The following NAALADL2 variants were observed in gnomAD, a reference collection of about 807,000 sequenced individuals.
NAALADL2 encodes N-acetylated alpha-linked acidic dipeptidase like 2, also known as inactive N-acetylated-alpha-linked acidic dipeptidase-like protein 2.
A neutral mutation model predicts 87.2 loss-of-function variants in NAALADL2; 76 were observed. The ratio of observed to expected loss-of-function variants is 0.87; its 90% CI spans 0.72 to 1.05. NAALADL2 has a LOEUF of 1.05. Ranked by LOEUF, NAALADL2 falls within the 50% of genes least tolerant of loss-of-function variation. The pLI is 0.00. For synonymous variants in NAALADL2, 354 were observed against 331.0 expected (o/e 1.07, Z -0.75); for missense variants, 1,089 against 945.8 (o/e 1.15, Z -1.99).
intron 2 of NAALADL2, among the ~76,000 whole-genome samples, chr3:174,630,989 A>G (rs1036003187): frequency 6.6e-6 from 1 of 152,146 alleles, no homozygotes; most frequent in Non-Finnish European, 1.5e-5. Flanking sequence ...ACACCACTCC[A>G]GAAGAGCCTG....
chr3:175,479,409 C>T (rs1381202864), intron 9 of NAALADL2, among the ~76,000 whole-genome samples: 1 of 151,768 alleles, frequency 6.6e-6, no homozygotes, highest in East Asian at 1.9e-4. Context: ...AGATCCAAAG[C>T]TAAATAGAAC....
chr3:175,734,340 G>A (rs1389848753), intron 11 of NAALADL2, among the ~76,000 whole-genome samples: 4 of 152,066 alleles, frequency 2.6e-5, no homozygotes, highest in South Asian at 4.2e-4. Flanking sequence ...GGATCATGAG[G>A]TCAGGAGATC....
intron 3 of NAALADL2, among the ~76,000 whole-genome samples, chr3:175,255,219 T>TA (rs778862477): frequency 3.0e-4 from 45 of 152,330 alleles, no homozygotes; most frequent in Non-Finnish European, 5.3e-4. Flanking sequence ...TTTTTACAGA[T>TA]ACAGATGAAT....
chr3:175,434,815 T>C (rs566989541), intron 5 of NAALADL2, among the ~76,000 whole-genome samples: 19 of 152,148 alleles, frequency 1.2e-4, no homozygotes, highest in African/African-American at 4.6e-4. Flanking sequence ...TTATATTACA[T>C]GTAATGTGCA....
intron 9 of NAALADL2, among the ~76,000 whole-genome samples, chr3:175,574,637 A>C (rs1445504768): frequency 6.6e-6 from 1 of 152,078 alleles, no homozygotes. Context: ...CCAAGAATGG[A>C]AAAAGCTTTT....
intron 1 of NAALADL2, among the ~76,000 whole-genome samples, chr3:174,894,829 C>G (rs764303975): frequency 6.6e-6 from 1 of 151,814 alleles, no homozygotes; most frequent in Non-Finnish European, 1.5e-5. Flanking sequence ...GAAATAATAT[C>G]AAACATCTTC....
At chr3:175,722,589 G>A (rs1413092596) in intron 11 of NAALADL2, among the ~76,000 whole-genome samples, 1 of 152,116 alleles carries the variant, frequency 6.6e-6, no homozygotes, top group Non-Finnish European at 1.5e-5. Flanking sequence ...ACTAAACATA[G>A]CCTCTTTTGG....
chr3:175,239,396 A>G (rs1394405427), intron 3 of NAALADL2, among the ~76,000 whole-genome samples: 1 of 152,218 alleles, frequency 6.6e-6, no homozygotes, highest in Non-Finnish European at 1.5e-5. Context: ...AATTTTATTA[A>G]TAGAACATAT....
intron 10 of NAALADL2, among the ~76,000 whole-genome samples, chr3:175,600,568 C>T (rs1248499508): frequency 1.9e-5 from 2 of 103,848 alleles, no homozygotes; most frequent in Non-Finnish European, 3.5e-5. Flanking sequence ...GACGGAGTCT[C>T]GCTCTGTCGC....
chr3:175,580,158 T>C (rs2149571279), intron 10 of NAALADL2, among the ~76,000 whole-genome samples: 1 of 152,256 alleles, frequency 6.6e-6, no homozygotes, highest in African/African-American at 2.4e-5. Context: ...TTTGAAACTC[T>C]TACTAAATTT....
intron 2 of NAALADL2, among the ~76,000 whole-genome samples, chr3:175,161,994 T>G (rs1014041945): frequency 2.6e-5 from 4 of 152,206 alleles, no homozygotes; most frequent in Non-Finnish European, 5.9e-5. Context: ...GAAACCTGTC[T>G]TCTGTTTTAT....
At chr3:174,953,373 T>A (rs1740697649) in intron 1 of NAALADL2, among the ~76,000 whole-genome samples, 1 of 122,768 alleles carries the variant, frequency 8.1e-6, no homozygotes, top group Admixed American at 1.0e-4. Flanking sequence ...TTCCAGTAAA[T>A]CATTATTAAA....
intron 1 of NAALADL2, among the ~76,000 whole-genome samples, chr3:174,488,130 T>C (rs1717970444): frequency 6.6e-6 from 1 of 151,990 alleles, no homozygotes; most frequent in Non-Finnish European, 1.5e-5. Context: ...ATTAGAAATA[T>C]TATCATTCTC....
intron 1 of NAALADL2, among the ~76,000 whole-genome samples, chr3:174,518,316 G>C (rs1720056455): frequency 6.6e-6 from 1 of 152,108 alleles, no homozygotes. Flanking sequence ...TTAACGATTT[G>C]TCTTTAATAC....
At chr3:175,421,819 G>A (rs926513089) in intron 5 of NAALADL2, among the ~76,000 whole-genome samples, 5 of 152,046 alleles carry the variant, frequency 3.3e-5, no homozygotes, top group Admixed American at 6.6e-5. Flanking sequence ...GCATTATTTA[G>A]GAGGCCTTTG....
intron 10 of NAALADL2, 84 bp from the exon 11 acceptor site, chr3:175,627,207 T>A: frequency 8.8e-7 from 1 of 1,135,924 alleles, no homozygotes; most frequent in Admixed American, 2.4e-5. Flanking sequence ...AGAGTCCTTT[T>A]TAATCTTTAA....
chr3:174,508,114 G>GTTTTTTTTTTTTTTTTTTTTTTTTTTTT (rs1311325384), intron 1 of NAALADL2, among the ~76,000 whole-genome samples: 1 of 103,884 alleles, frequency 9.6e-6, no homozygotes, highest in African/African-American at 3.6e-5. Context: ...ATATCTAGTG[G>GTTTTTTTTTTTTTTTTTTTTTTTTTTTT]TTTTTTTTTT....
chr3:175,069,191 C>G (rs1005420428), intron 1 of NAALADL2, among the ~76,000 whole-genome samples: 2 of 149,382 alleles, frequency 1.3e-5, no homozygotes, highest in African/African-American at 5.1e-5. Flanking sequence ...AGCTTCAGCA[C>G]AGCAAAAGAA....
chr3:174,451,973 G>T (rs1715523275), intron 1 of NAALADL2, among the ~76,000 whole-genome samples: 2 of 150,100 alleles, frequency 1.3e-5, no homozygotes, highest in African/African-American at 4.9e-5. Flanking sequence ...CTCCCGAGTA[G>T]CTGGGATTAC....
Sources: gnomAD v4.1 joint callset for allele counts (sites outside exome capture counted in the v4.1 genomes callset) on GRCh38, gnomAD v4.1.1 for gene constraint, MANE v1.5 for transcripts, NCBI Gene and HGNC (gene_info 2026-07-23, HGNC 2026-07-21) for gene names.